LRRFIP1: variants seen among roughly 807,000 people sequenced by gnomAD.
LRRFIP1 encodes the protein LRR binding FLII interacting protein 1, also known as leucine-rich repeat flightless-interacting protein 1.
In LRRFIP1, 62 loss-of-function variants were observed where a neutral mutation model predicts 104.4. The ratio of observed to expected loss-of-function variants is 0.59; its 90% CI spans 0.48 to 0.73. The LOEUF (loss-of-function observed/expected upper bound fraction) is 0.73, where lower values mean the gene tolerates loss of function less well. Among genes scored for constraint, LRRFIP1 ranks in the 30% least tolerant of loss-of-function variants. The pLI, the probability that LRRFIP1 is intolerant of heterozygous loss-of-function variation, is 0.00. For missense variants in LRRFIP1, 796 were observed against 824.5 expected, an observed-to-expected ratio of 0.97 and a Z score of 0.42; for synonymous variants, 300 against 299.0, an observed-to-expected ratio of 1.00 and a Z score of -0.03.
rs749532318 is a variant in LRRFIP1 at position 237,720,737 on chromosome 2, T to G, written c.295-35T>G. On this transcript the variant is annotated intron_variant, in intron 5 of 23. Coordinates refer to ENST00000308482, the MANE Select transcript of LRRFIP1 (RefSeq NM_001137550.2). ...TGGTTCTTCATGTATGTTGTATGATTCCTTCACGGTTGTTCTCGTCCTTTC... is the reference window on the plus strand; with the variant it reads ...TGGTTCTTCATGTATGTTGTATGATGCCTTCACGGTTGTTCTCGTCCTTTC... 3 of 1,594,364 alleles carry G rather than the reference T, an allele frequency of 1.9e-6. No individual in the cohort carries two copies. The African/African-American group carries it at 4.0e-5, about 21-fold the overall frequency.
intron 11 of LRRFIP1, among the ~76,000 whole-genome samples, chr2:237,741,782 C>T (rs1004697582): frequency 4.0e-5 from 6 of 151,392 alleles, no homozygotes; most frequent in South Asian, 2.1e-4. Flanking sequence ...GAGCTGAGAT[C>T]GCACCACTGC....
At chr2:237,764,991 G>A (rs1012171079) in intron 19 of LRRFIP1, 16 of 983,866 alleles carry the variant, frequency 1.6e-5, no homozygotes, top group Non-Finnish European at 1.9e-5. Flanking sequence ...GCCGGGCGTG[G>A]TGGCTCATGC....
rs2061402632 is a variant in LRRFIP1, at chr2:237,780,208, C to CA, written c.*677dup. The CA allele has an allele frequency of 6.6e-6, 1 of 152,248 alleles. No individual in the cohort carries two copies. The highest frequency in any genetic ancestry group is 3.4e-3 in the Middle Eastern group (1 of 294). 9.4% of individuals were successfully genotyped at this position (152,248 alleles called of 1,614,324 possible). ...TAGGCAATAGCTTCACTGAAAATGA[C>CA]AGCTTTTCATTGCATTATTTAATCC... is the stretch of plus-strand genomic sequence containing the variant. On this transcript the variant is annotated 3_prime_UTR_variant, in exon 24 of 24. Transcript: ENST00000308482.
At position 237,779,855 on chromosome 2, in the gene LRRFIP1, A is replaced by C. The variant is rs79598730; in HGVS notation, c.*323A>C. On this transcript the variant is annotated 3_prime_UTR_variant, in exon 24 of 24. Transcript: ENST00000308482. Reference sequence around the variant, plus strand: ...TGAATGCCGCTGGAAGTGATGATCAAAGTAAAGATTCAGTTGGGACTTGAG... The same window carrying C: ...TGAATGCCGCTGGAAGTGATGATCACAGTAAAGATTCAGTTGGGACTTGAG... 1,850 of 179,798 alleles carry C rather than the reference A, an allele frequency of 0.01. 39 individuals carry two copies. Among genetic ancestry groups the C allele is most frequent in the African/African-American group, 0.04 (1,675 of 42,346 alleles). The allele number at this position is 179,798 out of a possible 1,614,324, so 11.1% of individuals were successfully genotyped here. A position where few individuals can be genotyped will look rare whatever the true frequency, so the allele number is the denominator to read the frequency against.
intron 15 of LRRFIP1, among the ~76,000 whole-genome samples, chr2:237,754,047 T>C (rs1362615321): frequency 6.6e-6 from 1 of 152,208 alleles, no homozygotes; most frequent in African/African-American, 2.4e-5. Context: ...AGACAGTTTT[T>C]CTAGGAGAAC....
intron 13 of LRRFIP1, among the ~76,000 whole-genome samples, chr2:237,749,709 C>T (rs552467831): frequency 1.3e-5 from 2 of 152,330 alleles, no homozygotes; most frequent in East Asian, 3.9e-4. Context: ...TTTCACACAA[C>T]CCCTCCCCAC....
chr2:237,627,998 C>G (rs2149212095), intron 1 of LRRFIP1, among the ~76,000 whole-genome samples: 1 of 151,330 alleles, frequency 6.6e-6, no homozygotes, highest in Admixed American at 6.6e-5. Context: ...GCGCCCTCCC[C>G]CACCCCGGCC....
At chr2:237,695,756 TG>T (rs993367040) in intron 1 of LRRFIP1, among the ~76,000 whole-genome samples, 6 of 152,014 alleles carry the variant, frequency 3.9e-5, no homozygotes, top group South Asian at 4.1e-4. Flanking sequence ...ATTTGTTTTT[TG>T]TTTTTTTTTT....
intron 1 of LRRFIP1, among the ~76,000 whole-genome samples, chr2:237,665,587 T>G (rs976421170): frequency 3.3e-5 from 5 of 152,244 alleles, no homozygotes; most frequent in African/African-American, 1.2e-4. Flanking sequence ...CAAAAACAAC[T>G]ACAAAAATAA....
intron 7 of LRRFIP1, 44 bp downstream of exon 7, chr2:237,723,630 G>A: frequency 1.2e-6 from 2 of 1,608,558 alleles, no homozygotes; most frequent in Admixed American, 1.7e-5. Context: ...TTAACTGTGT[G>A]GTGTGACCAT....
chr2:237,642,447 T>C (rs1200970513), intron 1 of LRRFIP1, among the ~76,000 whole-genome samples: 1 of 146,310 alleles, frequency 6.8e-6, no homozygotes. Context: ...GGTTCCAGGC[T>C]CCAGGCTCCA....
Position 237,632,114 on chromosome 2 carries a change from C to CGCACTGCCCCCAAGGAGTCCAGTTGT in LRRFIP1, c.96+4375_96+4376insCACTGCCCCCAAGGAGTCCAGTTGTG, listed in dbSNP as rs1450654393. Among the ~76,000 whole-genome samples, 490 of 126,470 alleles carry CGCACTGCCCCCAAGGAGTCCAGTTGT rather than the reference C, an allele frequency of 3.9e-3. 14 individuals are homozygous for CGCACTGCCCCCAAGGAGTCCAGTTGT. Among genetic ancestry groups the CGCACTGCCCCCAAGGAGTCCAGTTGT allele is most frequent in the Admixed American group, 5.1e-3 (62 of 12,108 alleles). 83.0% of individuals were successfully genotyped at this position (126,470 alleles called of 152,430 possible). A position where few individuals can be genotyped will look rare whatever the true frequency, so the allele number is the denominator to read the frequency against. On this transcript the variant is annotated intron_variant, in intron 1 of 23. Transcript: ENST00000308482. ...CCACGGCCACACAGGAGTCCAGTTGCGGAGAAGGGGTCGCACTGCCCCCAA... is the reference window on the plus strand; with the variant it reads ...CCACGGCCACACAGGAGTCCAGTTGCGCACTGCCCCCAAGGAGTCCAGTTGTGGAGAAGGGGTCGCACTGCCCCCAA...
rs181781400 is a variant in LRRFIP1, at chr2:237,642,026, G to T, written c.96+14286G>T. Among the ~76,000 whole-genome samples, 472 of 152,308 alleles carry T rather than the reference G, an allele frequency of 3.1e-3. 2 individuals carry two copies. Among genetic ancestry groups the T allele is most frequent in the Non-Finnish European group, 5.6e-3 (378 of 68,020 alleles). The stretch of plus-strand genomic sequence containing the variant: ...CATGAGAGAATCTTTGGGGTACCCA[G>T]GGAGAGTGTGGTGTAGAGGGTCAGC... On this transcript the variant is annotated intron_variant, in intron 1 of 23. Coordinates refer to ENST00000308482, the MANE Select transcript of LRRFIP1 (RefSeq NM_001137550.2).
Position 237,703,958 on chromosome 2 carries a change from A to G in LRRFIP1, c.97-4586A>G, listed in dbSNP as rs981657099. Among the ~76,000 whole-genome samples, 2 of 151,836 alleles carry G rather than the reference A, an allele frequency of 1.3e-5. No homozygotes were observed. Among genetic ancestry groups the G allele is most frequent in the Non-Finnish European group, 2.9e-5 (2 of 67,974 alleles). On this transcript the variant is annotated intron_variant, in intron 1 of 23. Transcript: ENST00000308482. The surrounding 1 kb of genome is among the most constrained non-coding windows in gnomAD (Gnocchi z 4.3). Reference sequence around the variant, plus strand: ...CCCGTCATGAGATTTTATATTTTACAAAAGTGTCAGTCGATAAAGGATTTG... The same window carrying G: ...CCCGTCATGAGATTTTATATTTTACGAAAGTGTCAGTCGATAAAGGATTTG...
chr2:237,769,981 T>G lies in LRRFIP1; in HGVS notation c.1498T>G (p.Leu500Val), dbSNP rs764716203. Reference sequence around the variant, plus strand: ...AAAGCTGGTTGATGAACGGGAATGCTTATTGGAACAGGTAACAATCTTTTT... The same window carrying G: ...AAAGCTGGTTGATGAACGGGAATGCGTATTGGAACAGGTAACAATCTTTTT... ...LKKLVDERECLLEQIKKLKGQ... is the reference protein window; with the variant it reads ...LKKLVDERECVLEQIKKLKGQ... The change falls in exon 20 of 24, where the codon TTA becomes GTA. Residue 500 changes from leucine (L) to valine (V), a missense_variant. Coordinates refer to ENST00000308482, the MANE Select transcript of LRRFIP1 (RefSeq NM_001137550.2). 1 of 1,604,116 alleles carries G rather than the reference T, an allele frequency of 6.2e-7. No homozygotes were observed. Among genetic ancestry groups the G allele is most frequent in the Non-Finnish European group, 8.5e-7 (1 of 1,174,610 alleles).
intron 13 of LRRFIP1, among the ~76,000 whole-genome samples, chr2:237,750,566 A>C (rs2058496148): frequency 6.6e-6 from 1 of 151,630 alleles, no homozygotes; most frequent in Non-Finnish European, 1.5e-5. Context: ...TGAACTCCTG[A>C]CCTCAGGTGA....
At chr2:237,721,414 AT>A (rs2150184874) in intron 6 of LRRFIP1, 1 of 152,406 alleles carries the variant, frequency 6.6e-6, no homozygotes, top group South Asian at 2.1e-4. Context: ...TTCCTTAAAC[AT>A]TCCAGAAACC....
intron 1 of LRRFIP1, among the ~76,000 whole-genome samples, chr2:237,664,477 G>A (rs1166576496): frequency 6.6e-6 from 1 of 152,218 alleles, no homozygotes; most frequent in African/African-American, 2.4e-5. Flanking sequence ...GAAAAGTCAC[G>A]TTGTTGTGTA....
rs1019561074 is a variant in LRRFIP1, at chr2:237,641,945, T to A, written c.96+14205T>A. Among the ~76,000 whole-genome samples, 3 of 152,224 alleles carry A rather than the reference T, an allele frequency of 2.0e-5. No individual in the cohort carries two copies. The East Asian group carries it at 5.8e-4, about 29-fold the overall frequency. ...CTTGGGCCCTTGCAGAGTTCAGGTT[T>A]CTGTTGGTGTGAAGTTTTCCTCCTA... On this transcript the variant is annotated intron_variant, in intron 1 of 23. Transcript: ENST00000308482.
Sources: allele counts gnomAD v4.1 joint callset (sites outside exome capture counted in the v4.1 genomes callset), GRCh38; gene constraint gnomAD v4.1.1; non-coding constraint Gnocchi (gnomAD v3.1); transcripts MANE v1.5; gene names NCBI Gene and HGNC (gene_info 2026-07-23, HGNC 2026-07-21).